The following MYO5B variants were observed in gnomAD, a reference collection of about 807,000 sequenced individuals.
MYO5B encodes unconventional myosin-Vb.
A neutral mutation model predicts 229.3 loss-of-function variants in MYO5B; 143 were observed. The observed-to-expected ratio is 0.62, with a 90% confidence interval of 0.54 to 0.72. The LOEUF (loss-of-function observed/expected upper bound fraction) is 0.72, where lower values mean the gene tolerates loss of function less well. MYO5B is among the 30% of genes least tolerant of loss of function. The pLI, the probability that MYO5B is intolerant of heterozygous loss-of-function variation, is 0.00. For synonymous variants in MYO5B, 918 were observed against 885.2 expected, an observed-to-expected ratio of 1.04 and a Z score of -0.66; for missense variants, 2,321 against 2,331.0, an observed-to-expected ratio of 1.00 and a Z score of 0.09.
At chr18:49,976,271 T>G (rs2025749728) in intron 9 of MYO5B, among the ~76,000 whole-genome samples, 1 of 152,212 alleles carries the variant, frequency 6.6e-6, no homozygotes, top group Non-Finnish European at 1.5e-5. Context: ...ATAACTGTAT[T>G]ATTTCTCCCT....
intron 12 of MYO5B, among the ~76,000 whole-genome samples, chr18:49,961,022 C>T (rs923330480): frequency 8.5e-5 from 13 of 152,074 alleles, no homozygotes; most frequent in South Asian, 2.1e-4. Flanking sequence ...CTGGAGGAGA[C>T]GGTTACTGAT....
chr18:50,056,195 C>G lies in MYO5B; in HGVS notation c.28-817G>C, dbSNP rs149706014. On this transcript the variant is annotated intron_variant, in intron 1 of 39. Coordinates refer to ENST00000285039, the MANE Select transcript of MYO5B (RefSeq NM_001080467.3). Reference sequence around the variant, plus strand: ...AGTTCTGGCAGGAAAGAACACAGCCCTTGGTAAAGTAGTGATACAGGATTA... The same window carrying G: ...AGTTCTGGCAGGAAAGAACACAGCCGTTGGTAAAGTAGTGATACAGGATTA... Among the ~76,000 whole-genome samples the G allele has an allele frequency of 5.3e-5, 8 of 152,332 alleles. No individual in the cohort carries two copies. The East Asian group carries it at 1.3e-3, about 26-fold the overall frequency.
chr18:49,866,251 A>G (rs1355778815), intron 27 of MYO5B, among the ~76,000 whole-genome samples: 1 of 150,240 alleles, frequency 6.7e-6, no homozygotes, highest in Non-Finnish European at 1.5e-5. Flanking sequence ...TTTTTTTTCT[A>G]GTAGAGATGG....
Position 49,963,002 on chromosome 18 carries a change from C to CA in MYO5B, c.1350dup (p.Glu451Ter). 4 of 1,614,020 alleles carry CA rather than the reference C, an allele frequency of 2.5e-6. No homozygotes were observed. The highest frequency in any genetic ancestry group is 3.4e-6 in the Non-Finnish European group (4 of 1,179,962). On this transcript the variant is annotated frameshift_variant, in exon 11 of 40. Coordinates refer to ENST00000285039, the MANE Select transcript of MYO5B (RefSeq NM_001080467.3). LOFTEE classifies it high-confidence loss of function. ...TTTGCATAGTTGATACAGAACTGCT[C>CA]AAAGCTGTTTACCTCAAATGTCTCA... is the stretch of plus-strand genomic sequence containing the variant.
intron 1 of MYO5B, among the ~76,000 whole-genome samples, chr18:50,147,956 AAG>A (rs1299541715): frequency 6.6e-6 from 1 of 152,110 alleles, no homozygotes; most frequent in African/African-American, 2.4e-5. Context: ...TAAAGAAAAA[AAG>A]AGAGAAGAAT....
At chr18:49,904,558 A>G in intron 20 of MYO5B, 114 bp downstream of exon 20, 1 of 1,309,462 alleles carries the variant, frequency 7.6e-7, no homozygotes, top group Non-Finnish European at 1.1e-6. Context: ...GAGATGTGAA[A>G]GCATTTAGAA....
chr18:50,109,155 GAA>G (rs2031817669), intron 1 of MYO5B, among the ~76,000 whole-genome samples: 1 of 152,148 alleles, frequency 6.6e-6, no homozygotes, highest in Non-Finnish European at 1.5e-5. Flanking sequence ...ACCACGATAA[GAA>G]AGTTTCCAGT....
At chr18:49,990,325 G>C (rs2025915661) in intron 7 of MYO5B, 114 bp downstream of exon 7, 2 of 853,262 alleles carry the variant, frequency 2.3e-6, no homozygotes, top group South Asian at 2.8e-5. Flanking sequence ...GGCCACATAA[G>C]AGGCAGAGCC....
At chr18:49,906,661 T>C (rs759651833) in intron 18 of MYO5B, 31 bp from the exon 19 acceptor site, 33 of 1,580,388 alleles carry the variant, frequency 2.1e-5, no homozygotes, top group Non-Finnish European at 2.7e-5. Context: ...ATCTGGTTGG[T>C]CACCAGTGAG....
intron 34 of MYO5B, among the ~76,000 whole-genome samples, chr18:49,842,607 G>A (rs2024072249): frequency 6.6e-6 from 1 of 152,202 alleles, no homozygotes; most frequent in African/African-American, 2.4e-5. Context: ...CTCCCCCACT[G>A]CCTGGCCCTC....
At chr18:50,008,172 C>T (rs1311333069) in intron 4 of MYO5B, among the ~76,000 whole-genome samples, 1 of 152,188 alleles carries the variant, frequency 6.6e-6, no homozygotes, top group African/African-American at 2.4e-5. Context: ...TTGGGGTCAT[C>T]AGTGCTGGCT....
At chr18:49,879,362 C>T (rs975902328) in intron 23 of MYO5B, 3 of 476,694 alleles carry the variant, frequency 6.3e-6, no homozygotes, top group African/African-American at 3.9e-5. Flanking sequence ...CAGTTGATGC[C>T]CCAGCCTCTC....
intron 1 of MYO5B, among the ~76,000 whole-genome samples, chr18:50,082,967 G>T (rs949509638): frequency 2.6e-5 from 4 of 152,122 alleles, no homozygotes; most frequent in Non-Finnish European, 5.9e-5. Context: ...CAGATTAAGA[G>T]CCCAGTTCCA....
chr18:50,118,345 C>A (rs1705543), intron 1 of MYO5B, among the ~76,000 whole-genome samples: 91,842 of 151,386 alleles, frequency 0.61, 27,952 homozygotes, highest in Admixed American at 0.69. Context: ...ATGAGAGTTG[C>A]AGAAAGAGGT....
intron 1 of MYO5B, among the ~76,000 whole-genome samples, chr18:50,105,784 G>A (rs2031748336): frequency 6.6e-6 from 1 of 152,072 alleles, no homozygotes; most frequent in East Asian, 1.9e-4. Flanking sequence ...TTGGAGTATG[G>A]AGCTGGGCTG....
intron 1 of MYO5B, among the ~76,000 whole-genome samples, chr18:50,192,077 A>G (rs770120620): frequency 8.1e-3 from 21 of 2,604 alleles, no homozygotes; most frequent in Admixed American, 0.032. Context: ...ATTTGAGAGA[A>G]AAAAAAAAAA....
chr18:50,053,550 G>C (rs2030460552), intron 2 of MYO5B, among the ~76,000 whole-genome samples: 1 of 152,126 alleles, frequency 6.6e-6, no homozygotes, highest in African/African-American at 2.4e-5. Flanking sequence ...GGTGGGGTGG[G>C]AAGTTATTCA....
chr18:49,926,574 C>G (rs892122980), intron 17 of MYO5B, among the ~76,000 whole-genome samples: 1 of 152,230 alleles, frequency 6.6e-6, no homozygotes, highest in Non-Finnish European at 1.5e-5. Context: ...TTCACAAGAG[C>G]TAGTGGGGTC....
At chr18:50,027,370 C>T (rs547466697) in intron 4 of MYO5B, among the ~76,000 whole-genome samples, 2 of 152,302 alleles carry the variant, frequency 1.3e-5, no homozygotes, top group South Asian at 4.1e-4. Context: ...CTGCACAGGG[C>T]TCCATGTTCA....
Sources: gnomAD v4.1 joint callset for allele counts (sites outside exome capture counted in the v4.1 genomes callset) on GRCh38, gnomAD v4.1.1 for gene constraint, MANE v1.5 for transcripts, NCBI Gene and HGNC (gene_info 2026-07-23, HGNC 2026-07-21) for gene names.